Variants in IMMP2L observed in about 807,000 individuals in gnomAD.
IMMP2L encodes the protein inner mitochondrial membrane peptidase subunit 2.
Under a neutral mutation model 19.3 loss-of-function variants are expected in IMMP2L, and 18 were observed. The observed-to-expected ratio is 0.93, with a 90% confidence interval of 0.64 to 1.38. The LOEUF (loss-of-function observed/expected upper bound fraction) is 1.38, where lower values mean the gene tolerates loss of function less well. Ranked by LOEUF, IMMP2L falls within the 40% of genes most tolerant of loss-of-function variation. The pLI, the probability that IMMP2L is intolerant of heterozygous loss-of-function variation, is 0.00. For missense variants in IMMP2L, 233 were observed against 218.2 expected, an observed-to-expected ratio of 1.07 and a Z score of -0.43; for synonymous variants, 76 against 73.0, an observed-to-expected ratio of 1.04 and a Z score of -0.21.
At chr7:110,768,342 G>A (rs1266805044) in intron 5 of IMMP2L, among the ~76,000 whole-genome samples, 3 of 151,666 alleles carry the variant, frequency 2.0e-5, no homozygotes, top group African/African-American at 7.3e-5. Context: ...CCACAGTAAA[G>A]GATATAAGGC....
chr7:110,800,187 TTAAC>T (rs1454820154), intron 5 of IMMP2L, among the ~76,000 whole-genome samples: 1 of 151,986 alleles, frequency 6.6e-6, no homozygotes, highest in Non-Finnish European at 1.5e-5. Context: ...AACAAAATAT[TTAAC>T]TAATAGAGAA....
intron 3 of IMMP2L, among the ~76,000 whole-genome samples, chr7:111,008,824 A>G (rs960145675): frequency 1.3e-5 from 2 of 152,080 alleles, no homozygotes; most frequent in Admixed American, 6.6e-5. Context: ...TACAATGGAA[A>G]GATACAATAT....
intron 3 of IMMP2L, among the ~76,000 whole-genome samples, chr7:110,981,066 G>C (rs1367899458): frequency 6.6e-6 from 1 of 152,052 alleles, no homozygotes; most frequent in East Asian, 1.9e-4. Flanking sequence ...GAGAGTTTAG[G>C]CTACTGTTTT....
chr7:111,509,101 T>C (rs1845209961), intron 2 of IMMP2L, among the ~76,000 whole-genome samples: 3 of 152,166 alleles, frequency 2.0e-5, no homozygotes. Flanking sequence ...GCAATTACCA[T>C]GTCTAGCAAA....
At chr7:111,277,696 T>C (rs1819247437) in intron 3 of IMMP2L, among the ~76,000 whole-genome samples, 1 of 151,866 alleles carries the variant, frequency 6.6e-6, no homozygotes, top group South Asian at 2.1e-4. Context: ...GAACTAAAAA[T>C]AGAACTACTA....
intron 3 of IMMP2L, among the ~76,000 whole-genome samples, chr7:111,088,503 A>T (rs1796546854): frequency 6.6e-6 from 1 of 152,120 alleles, no homozygotes; most frequent in African/African-American, 2.4e-5. Context: ...GAAGAAAAGA[A>T]GGAGAAGAAG....
chr7:111,284,176 C>CA (rs1328738766), intron 3 of IMMP2L, among the ~76,000 whole-genome samples: 1 of 151,602 alleles, frequency 6.6e-6, no homozygotes, highest in African/African-American at 2.4e-5. Context: ...CTAAAAAAAA[C>CA]AGTTACTTTT....
At chr7:111,171,960 G>A (rs922919255) in intron 3 of IMMP2L, among the ~76,000 whole-genome samples, 2 of 151,358 alleles carry the variant, frequency 1.3e-5, no homozygotes, top group East Asian at 3.9e-4. Context: ...AGAATGAGTG[G>A]AATATTATGG....
intron 3 of IMMP2L, among the ~76,000 whole-genome samples, chr7:111,344,542 G>A (rs539060273): frequency 3.9e-5 from 6 of 152,276 alleles, no homozygotes; most frequent in Non-Finnish European, 7.4e-5. Context: ...CTGGCATACA[G>A]TAGAAAGACT....
intron 3 of IMMP2L, among the ~76,000 whole-genome samples, chr7:111,009,940 C>T (rs926121076): frequency 2.0e-5 from 3 of 151,958 alleles, no homozygotes; most frequent in African/African-American, 7.2e-5. Flanking sequence ...AAATGTATGC[C>T]CTCATTTACA....
At chr7:111,185,706 G>A (rs891306018) in intron 3 of IMMP2L, among the ~76,000 whole-genome samples, 16 of 152,120 alleles carry the variant, frequency 1.1e-4, no homozygotes, top group Middle Eastern at 3.2e-3. Flanking sequence ...CAAACTATCT[G>A]CCAGATCCTT....
At chr7:110,895,168 T>C (rs552972714) in intron 4 of IMMP2L, among the ~76,000 whole-genome samples, 2 of 152,076 alleles carry the variant, frequency 1.3e-5, no homozygotes, top group Non-Finnish European at 2.9e-5. Flanking sequence ...GCAGGGTAAC[T>C]CCCACTTTTT....
intron 5 of IMMP2L, among the ~76,000 whole-genome samples, chr7:110,775,556 T>G (rs1459066723): frequency 6.6e-6 from 1 of 151,984 alleles, no homozygotes; most frequent in African/African-American, 2.4e-5. Context: ...ACACAAAAAA[T>G]GTTGAATGTT....
intron 5 of IMMP2L, among the ~76,000 whole-genome samples, chr7:110,764,637 T>A (rs1401132594): frequency 6.6e-6 from 1 of 152,072 alleles, no homozygotes; most frequent in East Asian, 1.9e-4. Context: ...TATTTGCTCA[T>A]AAGGTAGCAC....
At chr7:111,016,095 G>T (rs1411580535) in intron 3 of IMMP2L, among the ~76,000 whole-genome samples, 2 of 152,042 alleles carry the variant, frequency 1.3e-5, no homozygotes, top group East Asian at 3.9e-4. Context: ...AAATTCTCTT[G>T]CCTGAGATTT....
At chr7:111,062,343 C>G (rs1489659982) in intron 3 of IMMP2L, among the ~76,000 whole-genome samples, 1 of 152,104 alleles carries the variant, frequency 6.6e-6, no homozygotes, top group Non-Finnish European at 1.5e-5. Context: ...GAGAACAGCA[C>G]AGGAAAGACC....
At chr7:110,735,800 T>C (rs999222374) in intron 5 of IMMP2L, among the ~76,000 whole-genome samples, 1 of 126,188 alleles carries the variant, frequency 7.9e-6, no homozygotes, top group African/African-American at 3.0e-5. Context: ...TGAGCCAAGA[T>C]TGTACCACTG....
chr7:111,441,910 G>A lies in IMMP2L; in HGVS notation c.239+45328C>T, dbSNP rs111904986. Among the ~76,000 whole-genome samples, 988 of 151,704 alleles carry A rather than the reference G, an allele frequency of 6.5e-3. 33 individuals are homozygous for A. Among genetic ancestry groups the A allele is most frequent in the African/African-American group, 0.021 (869 of 41,142 alleles). ...TCCCAGCACTTTGGGAGGCCAAGGC[G>A]GGCAGATCACAAGGTCAGTAGATCG... On this transcript the variant is annotated intron_variant, in intron 3 of 5. Transcript: ENST00000405709.
At chr7:110,808,437 T>C (rs1801779723) in intron 5 of IMMP2L, among the ~76,000 whole-genome samples, 1 of 152,040 alleles carries the variant, frequency 6.6e-6, no homozygotes, top group African/African-American at 2.4e-5. Context: ...CCTTTATGAA[T>C]GAATGCAGTC....
Sources: gnomAD v4.1 joint callset for allele counts (sites outside exome capture counted in the v4.1 genomes callset) on GRCh38, gnomAD v4.1.1 for gene constraint, MANE v1.5 for transcripts, NCBI Gene and HGNC (gene_info 2026-07-23, HGNC 2026-07-21) for gene names.